Variants in PROM1 observed in about 807,000 individuals in gnomAD.
PROM1 encodes prominin 1, also known as prominin-1.
A neutral mutation model predicts 116.9 loss-of-function variants in PROM1; 105 were observed. The ratio of observed to expected loss-of-function variants is 0.90; its 90% CI spans 0.77 to 1.06. The LOEUF (loss-of-function observed/expected upper bound fraction) is 1.06, where lower values mean the gene tolerates loss of function less well. Ranked by LOEUF, PROM1 falls within the 50% of genes least tolerant of loss-of-function variation. PROM1 has a pLI of 0.00. For missense variants in PROM1, 1,122 were observed against 1,045.2 expected (o/e 1.07, Z -1.01); for synonymous variants, 393 against 387.0 (o/e 1.02, Z -0.18).
chr4:16,024,949 T>C (rs41268371), intron 6 of PROM1, among the ~76,000 whole-genome samples: 13 of 152,344 alleles, frequency 8.5e-5, no homozygotes, highest in East Asian at 5.8e-4. Context: ...TTCTATAATA[T>C]GTACTGTAAT....
intron 1 of PROM1, chr4:16,080,120 A>T (rs998047279): frequency 6.6e-6 from 1 of 151,714 alleles, no homozygotes; most frequent in Non-Finnish European, 1.5e-5. Context: ...TGAGTCCAGG[A>T]AGCTGAGCCT....
In PROM1 at chr4:15,998,439, G is replaced by C; in HGVS notation, c.1628C>G (p.Ser543Cys). The change falls in exon 15 of 28, where the codon TCT becomes TGT. Residue 543 changes from serine (S) to cysteine (C), a missense_variant. Ser to Cys is a moderately radical substitution (Grantham distance 112). Coordinates refer to ENST00000447510, the MANE Select transcript of PROM1 (RefSeq NM_006017.3). ...TTTTGATTTATTAAATAGCTTCCCA[G>C]AGAGATAGTATTCCCAGTCTTCATT... Reference protein sequence around the residue: ...LLNEDWEYYLSGKLFNKSKMK... With the variant: ...LLNEDWEYYLCGKLFNKSKMK... 1.2e-6 allele frequency: 2 copies of C among 1,609,662 alleles called. No individual in the cohort carries two copies. The highest frequency in any genetic ancestry group is 1.7e-6 in the Non-Finnish European group (2 of 1,178,790).
At chr4:15,979,613 G>T (rs1477951135) in intron 25 of PROM1, 150 bp from the exon 26 acceptor site, 12 of 1,318,326 alleles carry the variant, frequency 9.1e-6, no homozygotes, top group Non-Finnish European at 1.2e-5. Context: ...TTGACATTTT[G>T]CTCCTTTTAA....
At chr4:15,970,438 G>C (rs1222910643) in intron 27 of PROM1, among the ~76,000 whole-genome samples, 2 of 151,954 alleles carry the variant, frequency 1.3e-5, no homozygotes, top group African/African-American at 4.8e-5. Context: ...CTCCCATAGT[G>C]CTGGGATTAC....
At chr4:16,057,715 G>A (rs1739367219) in intron 2 of PROM1, among the ~76,000 whole-genome samples, 1 of 152,180 alleles carries the variant, frequency 6.6e-6, no homozygotes, top group East Asian at 1.9e-4. Context: ...ACTCAAGAAA[G>A]ATTAGGATTT....
rs749510536 is a variant in PROM1, at chr4:16,026,924, ACTTT to A, written c.510-1616_510-1613del. ...CGTACTGTACAAGCCAAAGAAAATC[ACTTT>A]CTTTCTGTGGACTCCAGTTGGTACC... On this transcript the variant is annotated intron_variant, in intron 5 of 27. Coordinates refer to ENST00000447510, the MANE Select transcript of PROM1 (RefSeq NM_006017.3). Among the ~76,000 whole-genome samples the A allele has an allele frequency of 9.9e-5, 15 of 152,276 alleles. No homozygotes were observed. The East Asian group carries it at 2.7e-3, about 27-fold the overall frequency.
chr4:15,969,199 C>G lies in PROM1; in HGVS notation c.*194G>C, dbSNP rs959993362. 6.6e-6 allele frequency: 1 copy of G among 152,150 alleles called. No individual in the cohort carries two copies. The highest frequency in any genetic ancestry group is 1.5e-5 in the Non-Finnish European group (1 of 68,036). The allele number at this position is 152,150 out of a possible 1,614,324, so 9.4% of individuals were successfully genotyped here. A position where few individuals can be genotyped will look rare whatever the true frequency, so the allele number is the denominator to read the frequency against. On this transcript the variant is annotated 3_prime_UTR_variant, in exon 28 of 28. Coordinates refer to ENST00000447510, the MANE Select transcript of PROM1 (RefSeq NM_006017.3). ...AATAGTGATGGACCATGGACTATAA[C>G]GTGATTGTGTTCATTCTTAAAGCAC... is the stretch of plus-strand genomic sequence containing the variant.
chr4:15,992,058 TGGAACTACA>T lies in PROM1; in HGVS notation c.1911+181_1911+189del, dbSNP rs545789388. Among the ~76,000 whole-genome samples, 75 of 152,128 alleles carry T rather than the reference TGGAACTACA, an allele frequency of 4.9e-4. 2 individuals carry two copies. In the South Asian group the frequency reaches 0.015, roughly 31 times the overall value. The stretch of plus-strand genomic sequence containing the variant: ...TTGCTTTAGGGTGATGAAAATGTCT[TGGAACTACA>T]GGAACTACAGAAGTAGTTGTGCAGC... On this transcript the variant is annotated intron_variant, in intron 17 of 27. Coordinates refer to ENST00000447510, the MANE Select transcript of PROM1 (RefSeq NM_006017.3).
At chr4:16,011,258 A>T (rs562129245) in intron 11 of PROM1, among the ~76,000 whole-genome samples, 1 of 152,068 alleles carries the variant, frequency 6.6e-6, no homozygotes, top group Non-Finnish European at 1.5e-5. Flanking sequence ...CCCTGACACA[A>T]ACCTGGTCAT....
At chr4:15,991,865 A>G (rs4698437) in intron 17 of PROM1, among the ~76,000 whole-genome samples, 141,135 of 149,854 alleles carry the variant, frequency 0.94, 66,546 homozygotes, top group Middle Eastern at 0.98. Flanking sequence ...GAACCCAGGA[A>G]GTGGAGGTTG....
chr4:16,070,344 GATTATTTCAGGTT>G (rs1366737279), intron 2 of PROM1, among the ~76,000 whole-genome samples: 4 of 152,158 alleles, frequency 2.6e-5, no homozygotes, highest in Non-Finnish European at 5.9e-5. Context: ...GAACCTGACT[GATTATTTCAGGTT>G]ACTTGTTTTT....
intron 2 of PROM1, among the ~76,000 whole-genome samples, chr4:16,071,618 G>C (rs953701209): frequency 9.2e-5 from 14 of 152,138 alleles, no homozygotes; most frequent in African/African-American, 3.4e-4. Flanking sequence ...CCTCTCTCCA[G>C]GAGCCTGCAC....
chr4:16,047,266 G>T (rs551175753), intron 2 of PROM1, among the ~76,000 whole-genome samples: 1 of 152,026 alleles, frequency 6.6e-6, no homozygotes, highest in South Asian at 2.1e-4. Flanking sequence ...GTACAGTGGG[G>T]CAATCTCAGC....
At chr4:15,979,630 A>G (rs1397222239) in intron 25 of PROM1, among the ~76,000 whole-genome samples, 167 bp from the exon 26 acceptor site, 1 of 152,230 alleles carries the variant, frequency 6.6e-6, no homozygotes, top group African/African-American at 2.4e-5. Context: ...TTAAACTTCA[A>G]AGACCAAAGG....
chr4:15,971,305 A>G (rs1377394894), intron 26 of PROM1: 1 of 508,046 alleles, frequency 2.0e-6, no homozygotes, highest in African/African-American at 1.9e-5. Flanking sequence ...GGATAAACAG[A>G]CTATGACAAG....
At chr4:15,980,057 G>A (rs1717373106) in intron 24 of PROM1, among the ~76,000 whole-genome samples, 153 bp from the exon 25 acceptor site, 1 of 151,788 alleles carries the variant, frequency 6.6e-6, no homozygotes, top group Non-Finnish European at 1.5e-5. Context: ...TGAAAAACAA[G>A]GCATACACAT....
chr4:16,009,934 CAAAAAAAAAAAAA>C (rs4065768), intron 11 of PROM1, among the ~76,000 whole-genome samples: 1 of 75,442 alleles, frequency 1.3e-5, no homozygotes, highest in African/African-American at 5.6e-5. Context: ...GACTCGCTCT[CAAAAAAAAAAAAA>C]AAAAAAAAAA....
At chr4:16,010,873 CAG>C (rs770738883) in intron 11 of PROM1, among the ~76,000 whole-genome samples, 9 of 152,138 alleles carry the variant, frequency 5.9e-5, no homozygotes, top group Non-Finnish European at 1.2e-4. Flanking sequence ...AAGCGAGCAA[CAG>C]AGTGTCAGGT....
rs547540325 is a variant in PROM1 at position 16,058,626 on chromosome 4, G to A, written c.220+17061C>T. ...CACGCCACTGCACTCTAGCCTGGGC[G>A]ACAGAATAAGACTCCATCTCCGGGA... On this transcript the variant is annotated intron_variant, in intron 2 of 27. Coordinates refer to ENST00000447510, the MANE Select transcript of PROM1 (RefSeq NM_006017.3). 2.7e-5 allele frequency among the ~76,000 whole-genome samples: 4 copies of A among 148,240 alleles called. 1 individual carries two copies. Among genetic ancestry groups the A allele is most frequent in the African/African-American group, 1.0e-4 (4 of 39,882 alleles).
Sources: allele counts gnomAD v4.1 joint callset (sites outside exome capture counted in the v4.1 genomes callset), GRCh38; gene constraint gnomAD v4.1.1; transcripts MANE v1.5; gene names NCBI Gene and HGNC (gene_info 2026-07-23, HGNC 2026-07-21).